Variants in JARID2 observed in about 807,000 individuals in gnomAD.
The protein encoded by JARID2 is protein Jumonji.
A neutral mutation model predicts 125.6 loss-of-function variants in JARID2; 21 were observed. The observed-to-expected ratio is 0.17, with a 90% CI of 0.12 to 0.24. JARID2 has a LOEUF of 0.24. Among genes scored for constraint, JARID2 ranks in the 10% least tolerant of loss-of-function variants. The pLI, the probability that JARID2 is intolerant of heterozygous loss-of-function variation, is 1.00. For synonymous variants in JARID2, 736 were observed against 661.6 expected, an observed-to-expected ratio of 1.11 and a Z score of -1.73; for missense variants, 1,303 against 1,639.6, an observed-to-expected ratio of 0.79 and a Z score of 3.55.
intron 1 of JARID2, among the ~76,000 whole-genome samples, chr6:15,315,636 T>C (rs1055226092): frequency 2.0e-5 from 3 of 152,226 alleles, no homozygotes; most frequent in African/African-American, 7.2e-5. Context: ...CTTCATCTGC[T>C]TCAGGTGGCT....
intron 1 of JARID2, among the ~76,000 whole-genome samples, chr6:15,261,527 T>A (rs6921305): frequency 2.6e-5 from 4 of 152,096 alleles, no homozygotes; most frequent in African/African-American, 7.2e-5. Context: ...CATGTTAGTT[T>A]GCCAGGATGG....
At chr6:15,519,640 T>G (rs546385452) in intron 17 of JARID2, among the ~76,000 whole-genome samples, 1 of 152,304 alleles carries the variant, frequency 6.6e-6, no homozygotes, top group African/African-American at 2.4e-5. Context: ...TATGTATAGG[T>G]TGAGAAGTGT....
At chr6:15,498,409 C>T (rs1357330212) in intron 7 of JARID2, among the ~76,000 whole-genome samples, 1 of 152,166 alleles carries the variant, frequency 6.6e-6, no homozygotes, top group Non-Finnish European at 1.5e-5. Context: ...CCCTGTAGCC[C>T]TCCTTCCCTG....
At chr6:15,513,549 G>C in intron 16 of JARID2, 127 bp downstream of exon 16, 1 of 952,282 alleles carries the variant, frequency 1.1e-6, no homozygotes, top group Non-Finnish European at 1.5e-6. Context: ...CTCTGGAGCC[G>C]GCTGTGGGAC....
chr6:15,278,324 T>C (rs1168650690), intron 1 of JARID2, among the ~76,000 whole-genome samples: 1 of 152,086 alleles, frequency 6.6e-6, no homozygotes, highest in Non-Finnish European at 1.5e-5. Flanking sequence ...CTGTACCTCA[T>C]GCCTGTAATC....
rs186442291 is a variant in JARID2 at position 15,413,650 on chromosome 6, A to C, written c.323+3285A>C. Reference sequence around the variant, plus strand: ...GAGATGGGATCTGGCTTTGTTACCCAGGCTGGAATGTAGTGGTGTGATCAT... The same window carrying C: ...GAGATGGGATCTGGCTTTGTTACCCCGGCTGGAATGTAGTGGTGTGATCAT... On this transcript the variant is annotated intron_variant, in intron 3 of 17. Coordinates refer to ENST00000341776, the MANE Select transcript of JARID2 (RefSeq NM_004973.4). 4.1e-3 allele frequency among the ~76,000 whole-genome samples: 619 copies of C among 152,256 alleles called. 6 individuals carry two copies. The highest frequency in any genetic ancestry group is 0.014 in the African/African-American group (583 of 41,560).
Position 15,255,762 on chromosome 6 carries a change from A to G in JARID2, c.45+9178A>G, listed in dbSNP as rs748433208. Among the ~76,000 whole-genome samples the G allele has an allele frequency of 2.0e-5, 3 of 152,176 alleles. No individual in the cohort carries two copies. In the South Asian group the frequency reaches 6.2e-4, roughly 32 times the overall value. ...TGTGTTTCTTGCATTTAGTCCTTCTATAGGTTTGCAGAAGGGGGCTGAGTG... is the reference window on the plus strand; with the variant it reads ...TGTGTTTCTTGCATTTAGTCCTTCTGTAGGTTTGCAGAAGGGGGCTGAGTG... On this transcript the variant is annotated intron_variant, in intron 1 of 17. Transcript: ENST00000341776.
At chr6:15,510,493 C>T (rs1175861262) in intron 12 of JARID2, among the ~76,000 whole-genome samples, 1 of 152,176 alleles carries the variant, frequency 6.6e-6, no homozygotes, top group Non-Finnish European at 1.5e-5. Flanking sequence ...TTACTTTCTA[C>T]CTGTACCTCC....
At chr6:15,483,290 C>T (rs1405605756) in intron 5 of JARID2, among the ~76,000 whole-genome samples, 2 of 152,026 alleles carry the variant, frequency 1.3e-5, no homozygotes, top group Non-Finnish European at 2.9e-5. Flanking sequence ...TGTGTAATAG[C>T]ATCTTGTCAC....
At chr6:15,415,205 T>A (rs1364151152) in intron 3 of JARID2, among the ~76,000 whole-genome samples, 2 of 150,464 alleles carry the variant, frequency 1.3e-5, no homozygotes, top group Non-Finnish European at 3.0e-5. Context: ...AAGTCTCCCG[T>A]GTCTACCTCC....
intron 3 of JARID2, among the ~76,000 whole-genome samples, chr6:15,433,676 G>A (rs1218348359): frequency 6.6e-6 from 1 of 152,068 alleles, no homozygotes; most frequent in Non-Finnish European, 1.5e-5. Context: ...CCCTTGGCCA[G>A]GTCGATGCAC....
chr6:15,507,057 C>A, intron 9 of JARID2, 79 bp from the exon 10 acceptor site: 1 of 865,150 alleles, frequency 1.2e-6, no homozygotes, highest in Admixed American at 1.8e-5. Context: ...CATTCGTGTC[C>A]CAGTTTTGTT....
At chr6:15,314,727 A>G (rs1762124475) in intron 1 of JARID2, among the ~76,000 whole-genome samples, 2 of 152,212 alleles carry the variant, frequency 1.3e-5, no homozygotes, top group South Asian at 4.1e-4. Context: ...CCAGAGGTAG[A>G]CACTGTAGGT....
chr6:15,300,722 T>TGAGAGAGAGAGA (rs57766040), intron 1 of JARID2, among the ~76,000 whole-genome samples: 1 of 111,118 alleles, frequency 9.0e-6, no homozygotes, highest in Non-Finnish European at 1.8e-5. Flanking sequence ...TGTGTGTGTG[T>TGAGAGAGAGAGA]GAGAGAGAGA....
intron 2 of JARID2, among the ~76,000 whole-genome samples, chr6:15,395,830 A>G (rs959923810): frequency 1.3e-5 from 2 of 151,634 alleles, no homozygotes; most frequent in African/African-American, 2.4e-5. Context: ...ATGCCTGGCT[A>G]ATTTGTTGTA....
intron 6 of JARID2, among the ~76,000 whole-genome samples, chr6:15,495,610 A>G (rs927000507): frequency 4.6e-5 from 7 of 152,104 alleles, no homozygotes; most frequent in African/African-American, 1.7e-4. Flanking sequence ...TTCTTTTTTT[A>G]GCCATAGATT....
chr6:15,334,670 G>GCATCTTCC (rs1221841451), intron 1 of JARID2, among the ~76,000 whole-genome samples: 6 of 152,124 alleles, frequency 3.9e-5, no homozygotes, highest in South Asian at 2.1e-4. Flanking sequence ...TTACCAAAGG[G>GCATCTTCC]CATCTTCCAT....
At chr6:15,415,091 A>C (rs1024223081) in intron 3 of JARID2, among the ~76,000 whole-genome samples, 3 of 152,222 alleles carry the variant, frequency 2.0e-5, no homozygotes, top group South Asian at 2.1e-4. Flanking sequence ...TTTAACCCTG[A>C]GTGGACACAG....
intron 1 of JARID2, among the ~76,000 whole-genome samples, chr6:15,263,082 G>GTT (rs1481152168): frequency 3.3e-5 from 2 of 61,190 alleles, no homozygotes; most frequent in Admixed American, 1.4e-4. Flanking sequence ...GTTTGTGTGT[G>GTT]TGTGTGTGTG....
Sources: allele counts gnomAD v4.1 joint callset (sites outside exome capture counted in the v4.1 genomes callset), GRCh38; gene constraint gnomAD v4.1.1; transcripts MANE v1.5; gene names NCBI Gene and HGNC (gene_info 2026-07-23, HGNC 2026-07-21).